ADCY3: variants seen among roughly 807,000 people sequenced by gnomAD.
ADCY3 encodes adenylate cyclase 3, also known as adenylate cyclase type 3.
ADCY3 carries 70 observed loss-of-function variants against 119.4 expected under a neutral mutation model. The ratio of observed to expected loss-of-function variants is 0.59; its 90% CI spans 0.48 to 0.72. The LOEUF (loss-of-function observed/expected upper bound fraction) is 0.72. Among genes scored for constraint, ADCY3 ranks in the 30% least tolerant of loss-of-function variants. The pLI, the probability that ADCY3 is intolerant of heterozygous loss-of-function variation, is 0.00. For missense variants in ADCY3, 1,238 were observed against 1,541.6 expected (o/e 0.80, Z 3.30); for synonymous variants, 672 against 621.4 (o/e 1.08, Z -1.21).
At chr2:24,874,160 T>C (rs1186169958) in intron 2 of ADCY3, among the ~76,000 whole-genome samples, 1 of 152,166 alleles carries the variant, frequency 6.6e-6, no homozygotes, top group Admixed American at 6.5e-5. Context: ...CCCGGCAGAA[T>C]GTTCCTGCAG....
chr2:24,859,363 C>G (rs980439207), intron 3 of ADCY3, among the ~76,000 whole-genome samples: 2 of 152,194 alleles, frequency 1.3e-5, no homozygotes, highest in African/African-American at 4.8e-5. Flanking sequence ...TCTTAGTGGT[C>G]CCCCTGCCCC....
chr2:24,828,280 A>G (rs1668910665), intron 13 of ADCY3, 119 bp from the exon 14 acceptor site: 2 of 1,245,830 alleles, frequency 1.6e-6, no homozygotes, highest in Non-Finnish European at 2.2e-6. Context: ...CCCCAGAAAT[A>G]CCGGGAAAGA....
rs137898356 is a variant in ADCY3, at chr2:24,913,024, C to T, written c.675+5289G>A. 4.2e-3 allele frequency among the ~76,000 whole-genome samples: 647 copies of T among 152,358 alleles called. 5 individuals carry two copies. The highest frequency in any genetic ancestry group is 0.015 in the African/African-American group (628 of 41,580). On this transcript the variant is annotated intron_variant, in intron 2 of 21. Transcript: ENST00000679454. The stretch of plus-strand genomic sequence containing the variant: ...CGTCATCATTGTTCTGGTCCCTGGA[C>T]CCTCCACTGATGCCCATCTGCATAC...
In ADCY3 at chr2:24,865,501, G is replaced by C. The variant is rs988792701; in HGVS notation, c.825+7069C>G. On this transcript the variant is annotated intron_variant, in intron 3 of 21. Coordinates refer to ENST00000679454, the MANE Select transcript of ADCY3 (RefSeq NM_004036.5). ...AATAGGCTATCATCTGTGTGTGTGT[G>C]TGTGTGTGTGTGTGTGTGTGTGTGT... Among the ~76,000 whole-genome samples the C allele has an allele frequency of 2.2e-3, 308 of 138,556 alleles. 1 individual carries two copies. The highest frequency in any genetic ancestry group is 8.7e-3 in the African/African-American group (260 of 29,804). 90.9% of individuals were successfully genotyped at this position (138,556 alleles called of 152,430 possible).
In ADCY3 at chr2:24,836,935, G is replaced by A. The variant is rs372998415; in HGVS notation, c.1644C>T (p.Pro548=). The part of the protein sequence containing the change: ...AHSSGSTSEK[P]EEQDAQADNP... ...CACATACCTGGGCATCCTGCTCCTC[G>A]GGCTTCTCCGACGTGGACCCACTGC... Residue 548 remains proline (P), a synonymous_variant, in exon 9 of 22, where the codon CCC becomes CCT. Coordinates refer to ENST00000679454, the MANE Select transcript of ADCY3 (RefSeq NM_004036.5). 38 of 1,613,124 alleles carry A rather than the reference G, an allele frequency of 2.4e-5. No individual in the cohort carries two copies. Among genetic ancestry groups the A allele is most frequent in the Non-Finnish European group, 2.8e-5 (33 of 1,179,938 alleles).
At chr2:24,838,663 T>C (rs368301298) in intron 7 of ADCY3, 41 bp from the exon 8 acceptor site, 64 of 1,609,902 alleles carry the variant, frequency 4.0e-5, no homozygotes, top group Non-Finnish European at 5.3e-5. Context: ...CGGCCAGAGG[T>C]GGCCCTCACA....
At chr2:24,839,763 G>A in intron 7 of ADCY3, 110 bp downstream of exon 7, 1 of 1,480,424 alleles carries the variant, frequency 6.8e-7, no homozygotes, top group Non-Finnish European at 9.3e-7. Context: ...GGGGTTGTAG[G>A]GAGGCCTTCT....
intron 2 of ADCY3, among the ~76,000 whole-genome samples, chr2:24,906,512 G>A (rs1433879795): frequency 6.6e-6 from 1 of 152,320 alleles, no homozygotes; most frequent in East Asian, 1.9e-4. Context: ...AGGCACTGAA[G>A]GGTGAGGCTG....
intron 2 of ADCY3, among the ~76,000 whole-genome samples, chr2:24,884,471 CTTTTTTTTTTTT>C (rs1201387570): frequency 1.0e-5 from 1 of 97,860 alleles, no homozygotes; most frequent in South Asian, 3.4e-4. Flanking sequence ...TTCTAATAAT[CTTTTTTTTTTTT>C]TTTTTTTTTT....
chr2:24,862,132 T>C (rs929446694), intron 3 of ADCY3, among the ~76,000 whole-genome samples: 11 of 152,088 alleles, frequency 7.2e-5, no homozygotes, highest in Non-Finnish European at 1.6e-4. Context: ...CAGACAGGTA[T>C]CCACCACAAG....
chr2:24,835,047 G>C (rs1670119705), intron 9 of ADCY3, 111 bp from the exon 10 acceptor site: 2 of 1,344,542 alleles, frequency 1.5e-6, no homozygotes, highest in East Asian at 2.5e-5. Context: ...ATACTCGGAG[G>C]ACCAATCCCT....
rs1355362833 is a variant in ADCY3, at chr2:24,841,304, G to A, written c.1151C>T (p.Ala384Val). The A allele has an allele frequency of 1.9e-6, 3 of 1,579,320 alleles. No individual in the cohort carries two copies. The highest frequency in any genetic ancestry group is 2.6e-6 in the Non-Finnish European group (3 of 1,163,062). ...CGLPDYREDH[A>V]VCSILMGLAM... ...CAGCCCCATGAGGATGGAGCAGACG[G>A]CGTGGTCCTCCCGGTAGTCGGGCAA... The change falls in exon 6 of 22, where the codon GCC becomes GTC. Residue 384 changes from alanine to valine, a missense_variant. By Grantham distance (64) the Ala-to-Val change is moderately conservative. This residue lies in a region of ADCY3 where 283 missense variants were observed against 437.2 expected (regional missense o/e 0.65). Transcript: ENST00000679454. The surrounding 1 kb of genome is among the most constrained non-coding windows in gnomAD (Gnocchi z 5.8).
intron 2 of ADCY3, among the ~76,000 whole-genome samples, chr2:24,887,106 T>C (rs1289604380): frequency 5.3e-5 from 8 of 152,216 alleles, no homozygotes; most frequent in Non-Finnish European, 1.2e-4. Context: ...TCAGCATGGC[T>C]GGGAAGGCCT....
chr2:24,832,889 G>C (rs1413781697), intron 11 of ADCY3, among the ~76,000 whole-genome samples: 1 of 152,072 alleles, frequency 6.6e-6, no homozygotes, highest in East Asian at 1.9e-4. Flanking sequence ...TCCCCATCTT[G>C]GTTAACGGCA....
At chr2:24,839,767 G>T (rs914058893) in intron 7 of ADCY3, 106 bp downstream of exon 7, 1 of 1,507,588 alleles carries the variant, frequency 6.6e-7, no homozygotes, top group Non-Finnish European at 9.1e-7. Flanking sequence ...TTGTAGGGAG[G>T]CCTTCTCTGA....
chr2:24,870,774 C>G (rs939584920), intron 3 of ADCY3, among the ~76,000 whole-genome samples: 2 of 152,156 alleles, frequency 1.3e-5, no homozygotes, highest in South Asian at 2.1e-4. Flanking sequence ...GCCTCATGGC[C>G]CCGTGCACTC....
chr2:24,897,209 T>C (rs1678390124), intron 2 of ADCY3, among the ~76,000 whole-genome samples: 1 of 151,958 alleles, frequency 6.6e-6, no homozygotes, highest in Non-Finnish European at 1.5e-5. Context: ...TGGTCTCTAA[T>C]TCAGCCACAC....
intron 2 of ADCY3, among the ~76,000 whole-genome samples, chr2:24,914,460 G>A (rs1233278112): frequency 2.0e-5 from 3 of 152,094 alleles, no homozygotes; most frequent in African/African-American, 7.2e-5. Context: ...ATTATCTGAG[G>A]TCAGGAGTTC....
intron 21 of ADCY3, 188 bp from the exon 22 acceptor site, chr2:24,820,302 G>C: frequency 7.7e-7 from 1 of 1,306,942 alleles, no homozygotes; most frequent in Non-Finnish European, 9.8e-7. Flanking sequence ...GAGAACCCTG[G>C]AGTGACTGGC....
Sources: allele counts gnomAD v4.1 joint callset (sites outside exome capture counted in the v4.1 genomes callset), GRCh38; gene constraint gnomAD v4.1.1; regional missense constraint gnomAD v4.1.1; non-coding constraint Gnocchi (gnomAD v3.1); transcripts MANE v1.5; gene names NCBI Gene and HGNC (gene_info 2026-07-23, HGNC 2026-07-21).